The following COL27A1 variants were observed in gnomAD, a reference collection of about 807,000 sequenced individuals.
COL27A1 encodes collagen type XXVII alpha 1 chain, also known as collagen alpha-1(XXVII) chain.
Under a neutral mutation model 251.3 loss-of-function variants are expected in COL27A1, and 106 were observed. The observed-to-expected ratio is 0.42, with a 90% CI of 0.36 to 0.50. The LOEUF is 0.50. Among genes scored for constraint, COL27A1 ranks in the 20% least tolerant of loss-of-function variants. COL27A1 has a pLI of 0.00. For synonymous variants in COL27A1, 1,000 were observed against 986.3 expected (o/e 1.01, Z -0.26); for missense variants, 2,325 against 2,522.8 (o/e 0.92, Z 1.68).
intron 41 of COL27A1, 127 bp downstream of exon 41, chr9:114,284,904 C>T: frequency 1.0e-6 from 1 of 992,788 alleles, no homozygotes; most frequent in Non-Finnish European, 1.6e-6. Flanking sequence ...TCACCCCCTG[C>T]AGCAGCCGAG....
At chr9:114,188,914 T>C (rs1489467943) in intron 5 of COL27A1, among the ~76,000 whole-genome samples, 3 of 152,216 alleles carry the variant, frequency 2.0e-5, no homozygotes, top group Non-Finnish European at 2.9e-5. Context: ...GATGTTGCCA[T>C]TTGTTATTGG....
intron 28 of COL27A1, among the ~76,000 whole-genome samples, chr9:114,260,543 C>T (rs911757581): frequency 2.6e-5 from 4 of 152,192 alleles, no homozygotes; most frequent in Non-Finnish European, 5.9e-5. Context: ...CCATATGTGC[C>T]ACGGGGAATG....
intron 54 of COL27A1, 59 bp downstream of exon 54, chr9:114,301,521 T>A: frequency 1.9e-6 from 3 of 1,578,392 alleles, no homozygotes; most frequent in Non-Finnish European, 2.6e-6. Context: ...CCCTGCATTC[T>A]CCTCCCGGTG....
intron 56 of COL27A1, 147 bp downstream of exon 56, chr9:114,302,255 G>A (rs939556912): frequency 4.4e-6 from 3 of 688,886 alleles, no homozygotes; most frequent in South Asian, 1.7e-5. Flanking sequence ...TCATACTGGA[G>A]ACTTGGACCC....
intron 41 of COL27A1, among the ~76,000 whole-genome samples, chr9:114,285,990 A>G (rs566619430): frequency 1.3e-5 from 2 of 152,298 alleles, no homozygotes; most frequent in South Asian, 2.1e-4. Flanking sequence ...TGGGAATGAG[A>G]GGTCAAGGTG....
intron 49 of COL27A1, among the ~76,000 whole-genome samples, chr9:114,297,430 A>G (rs1828328890): frequency 6.6e-6 from 1 of 152,214 alleles, no homozygotes; most frequent in South Asian, 2.1e-4. Flanking sequence ...AATCTTTAAT[A>G]AAATATTAGA....
At chr9:114,304,265 C>A (rs1377268283) in intron 56 of COL27A1, among the ~76,000 whole-genome samples, 1 of 152,172 alleles carries the variant, frequency 6.6e-6, no homozygotes, top group Non-Finnish European at 1.5e-5. Context: ...TGGATCATGG[C>A]GTTTAGGAAC....
Position 114,290,987 on chromosome 9 carries a change from G to A in COL27A1, c.4476+70G>A, listed in dbSNP as rs1588882114. ...CCTTGATGCAGACTCTAGTGGTTCC[G>A]ACCCTTTGGGCACCCATGTCCCAGG... is the stretch of plus-strand genomic sequence containing the variant. On this transcript the variant is annotated intron_variant, in intron 48 of 60. Transcript: ENST00000356083. This position sits in a 1 kb window ranked among gnomAD's most constrained non-coding sequence, Gnocchi z 4.6. The A allele has an allele frequency of 2.5e-5, 29 of 1,168,646 alleles. No homozygotes were observed. In the East Asian group the frequency reaches 3.4e-4, roughly 14 times the overall value. The allele number at this position is 1,168,646 out of a possible 1,614,324, so 72.4% of individuals were successfully genotyped here.
At position 114,169,269 on chromosome 9, in the gene COL27A1, A is replaced by T; in HGVS notation, c.1714A>T (p.Thr572Ser). The T allele has an allele frequency of 6.2e-7, 1 of 1,612,640 alleles. No individual in the cohort carries two copies. Among genetic ancestry groups the T allele is most frequent in the South Asian group, 1.1e-5 (1 of 90,940 alleles). The change falls in exon 3 of 61, where the codon ACA (threonine) becomes TCA (serine). Residue 572 changes from threonine to serine, a missense_variant. Coordinates refer to ENST00000356083, the MANE Select transcript of COL27A1 (RefSeq NM_032888.4). ...CAGGGATGTCCCCTTGAGCGATCTGACAACCAGGCCTAGCCCCAGACAGCC... is the reference window on the plus strand; with the variant it reads ...CAGGGATGTCCCCTTGAGCGATCTGTCAACCAGGCCTAGCCCCAGACAGCC... ...AARDVPLSDL[T>S]TRPSPRQPQP...
chr9:114,301,485 C>CT, intron 54 of COL27A1, 23 bp downstream of exon 54: 2 of 953,858 alleles, frequency 2.1e-6, no homozygotes, highest in Non-Finnish European at 3.1e-6. Flanking sequence ...GGCATGAGGG[C>CT]TGTGGGGCGG....
Position 114,290,223 on chromosome 9 carries a change from G to C in COL27A1, c.4261-1G>C, listed in dbSNP as rs1220881640. ...TCACCAGCTTTTTATGTACCCCCCA[G>C]GGCCTGCAGGGGCTGCCAGGGCCCC... On this transcript the variant is annotated splice_acceptor_variant, in intron 46 of 60. Coordinates refer to ENST00000356083, the MANE Select transcript of COL27A1 (RefSeq NM_032888.4). LOFTEE classifies it high-confidence loss of function. The surrounding 1 kb of genome is among the most constrained non-coding windows in gnomAD (Gnocchi z 4.6). 7.0e-7 allele frequency: 1 copy of C among 1,436,524 alleles called. No homozygotes were observed. The highest frequency in any genetic ancestry group is 2.1e-5 in the Admixed American group (1 of 48,172). The allele number at this position is 1,436,524 out of a possible 1,614,324, so 89.0% of individuals were successfully genotyped here. A position where few individuals can be genotyped will look rare whatever the true frequency, so the allele number is the denominator to read the frequency against.
intron 10 of COL27A1, 95 bp from the exon 11 acceptor site, chr9:114,209,580 G>A: frequency 8.9e-7 from 1 of 1,121,888 alleles, no homozygotes; most frequent in Non-Finnish European, 1.4e-6. Context: ...GGAGGAGCCG[G>A]GATGTGGGAT....
Position 114,290,150 on chromosome 9 carries a change from GCCCGCCCCCCACA to G in COL27A1, c.4260+47_4261-54del. ...GCTGCTGTTTCCAGCCAACCTCCCT[GCCCGCCCCCCACA>G]CCCGCCCTCCTCCCACTCCCTGCAC... On this transcript the variant is annotated intron_variant, in intron 46 of 60. Transcript: ENST00000356083. The surrounding 1 kb of genome is among the most constrained non-coding windows in gnomAD (Gnocchi z 4.6). The G allele has an allele frequency of 6.3e-7, 1 of 1,593,548 alleles. No individual in the cohort carries two copies. Among genetic ancestry groups the G allele is most frequent in the South Asian group, 1.1e-5 (1 of 90,422 alleles).
intron 6 of COL27A1, among the ~76,000 whole-genome samples, chr9:114,195,104 G>A (rs1225866167): frequency 1.3e-5 from 2 of 152,126 alleles, no homozygotes; most frequent in African/African-American, 4.8e-5. Context: ...AGTCTTCCAG[G>A]CACACACACC....
At chr9:114,193,977 T>C (rs1828926178) in intron 5 of COL27A1, among the ~76,000 whole-genome samples, 1 of 151,988 alleles carries the variant, frequency 6.6e-6, no homozygotes, top group African/African-American at 2.4e-5. Context: ...TGGCTAACGA[T>C]GATTGGAGAA....
At chr9:114,266,496 C>A in intron 32 of COL27A1, 69 bp from the exon 33 acceptor site, 2 of 1,368,012 alleles carry the variant, frequency 1.5e-6, no homozygotes, top group Non-Finnish European at 2.1e-6. Flanking sequence ...CCCTCATTCA[C>A]CCCTCCAGAT....
chr9:114,289,751 C>T (rs545651073), intron 45 of COL27A1, among the ~76,000 whole-genome samples: 1 of 152,140 alleles, frequency 6.6e-6, no homozygotes, highest in South Asian at 2.1e-4. Flanking sequence ...GGTGCGCCCC[C>T]CTCACCTGCC....
intron 4 of COL27A1, among the ~76,000 whole-genome samples, chr9:114,179,992 C>A (rs1827779895): frequency 6.6e-6 from 1 of 152,052 alleles, no homozygotes; most frequent in Non-Finnish European, 1.5e-5. Context: ...GCACACGCCC[C>A]CGGGCCCAGC....
chr9:114,169,538 T>C, intron 3 of COL27A1, 75 bp downstream of exon 3: 1 of 1,227,112 alleles, frequency 8.1e-7, no homozygotes, highest in Non-Finnish European at 1.1e-6. Context: ...TGGTTGCCCC[T>C]AGTAAAGACA....
Sources: gnomAD v4.1 joint callset for allele counts (sites outside exome capture counted in the v4.1 genomes callset) on GRCh38, gnomAD v4.1.1 for gene constraint, Gnocchi (gnomAD v3.1) non-coding constraint, MANE v1.5 for transcripts, NCBI Gene and HGNC (gene_info 2026-07-23, HGNC 2026-07-21) for gene names.